Variants in ZMYM4 observed in about 807,000 individuals in gnomAD.
ZMYM4 encodes the protein zinc finger MYM-type protein 4.
Under a neutral mutation model 183.2 loss-of-function variants are expected in ZMYM4, and 31 were observed. The observed-to-expected ratio is 0.17, with a 90% CI of 0.13 to 0.23. The LOEUF (loss-of-function observed/expected upper bound fraction) is 0.23, where lower values mean the gene tolerates loss of function less well. Ranked by LOEUF, ZMYM4 falls within the 10% of genes least tolerant of loss-of-function variation. The probability of loss-of-function intolerance (pLI) is 1.00; values close to 1 mark genes in which losing one functional copy is unlikely to be tolerated. For missense variants in ZMYM4, 1,273 were observed against 1,840.3 expected, an observed-to-expected ratio of 0.69 and a Z score of 5.64; for synonymous variants, 592 against 631.2, an observed-to-expected ratio of 0.94 and a Z score of 0.93.
chr1:35,306,613 T>A (rs1055723468), intron 1 of ZMYM4, among the ~76,000 whole-genome samples: 1 of 152,210 alleles, frequency 6.6e-6, no homozygotes, highest in Non-Finnish European at 1.5e-5. Context: ...TGGCTCTACT[T>A]AAAATTTTTC....
At chr1:35,282,793 C>T (rs1369583037) in intron 1 of ZMYM4, among the ~76,000 whole-genome samples, 5 of 151,922 alleles carry the variant, frequency 3.3e-5, no homozygotes, top group East Asian at 1.9e-4. Context: ...TGAGCTCAAG[C>T]GATGCACCTG....
At chr1:35,295,891 T>C (rs1228140588) in intron 1 of ZMYM4, 4 of 152,190 alleles carry the variant, frequency 2.6e-5, no homozygotes, top group Non-Finnish European at 4.4e-5. Flanking sequence ...ATTTTTCTGT[T>C]ATATAGATTA....
intron 1 of ZMYM4, among the ~76,000 whole-genome samples, chr1:35,274,043 A>T (rs1175607047): frequency 6.6e-6 from 1 of 152,202 alleles, no homozygotes; most frequent in Non-Finnish European, 1.5e-5. Context: ...ATATTTTATA[A>T]TAAAATAATT....
chr1:35,337,234 C>T lies in ZMYM4; in HGVS notation c.85+11829C>T, dbSNP rs530517335. 4.6e-5 allele frequency among the ~76,000 whole-genome samples: 7 copies of T among 152,176 alleles called. No individual in the cohort carries two copies. In the South Asian group the frequency reaches 1.0e-3, roughly 23 times the overall value. The stretch of plus-strand genomic sequence containing the variant: ...GAAATTAGCTGGATGTGATGTTGCA[C>T]GCCTGTAGTCCCAGCTACTTGGGAA... On this transcript the variant is annotated intron_variant, in intron 2 of 29. Coordinates refer to ENST00000314607, the MANE Select transcript of ZMYM4 (RefSeq NM_005095.3).
At position 35,333,542 on chromosome 1, in the gene ZMYM4, G is replaced by A. The variant is rs115172539; in HGVS notation, c.85+8137G>A. Among the ~76,000 whole-genome samples the A allele has an allele frequency of 2.4e-3, 361 of 152,180 alleles. 1 individual carries two copies. The highest frequency in any genetic ancestry group is 8.5e-3 in the African/African-American group (354 of 41,528). ...CAAAGGTCTGGGATTACAAGTGTCA[G>A]CTACTGCGCCTGGCCCATATATGAT... On this transcript the variant is annotated intron_variant, in intron 2 of 29. Coordinates refer to ENST00000314607, the MANE Select transcript of ZMYM4 (RefSeq NM_005095.3).
At chr1:35,304,871 G>A (rs1271262590) in intron 1 of ZMYM4, among the ~76,000 whole-genome samples, 1 of 151,962 alleles carries the variant, frequency 6.6e-6, no homozygotes, top group South Asian at 2.1e-4. Flanking sequence ...TTTTTAGACA[G>A]AGTCTTGCTC....
In ZMYM4 at chr1:35,361,264, T is replaced by C. The variant is rs1313708410; in HGVS notation, c.669+9T>C. ...CAGAAACAAACTTTAGGGTAAGTTT[T>C]CAGTGTGTATGTAGATTGCTGTAAC... On this transcript the variant is annotated intron_variant, in intron 4 of 29. Coordinates refer to ENST00000314607, the MANE Select transcript of ZMYM4 (RefSeq NM_005095.3). The C allele has an allele frequency of 6.2e-7, 1 of 1,602,214 alleles. No homozygotes were observed. Among genetic ancestry groups the C allele is most frequent in the Admixed American group, 1.7e-5 (1 of 58,148 alleles).
At chr1:35,396,702 T>C (rs1466840173) in intron 19 of ZMYM4, 32 bp downstream of exon 19, 4 of 1,603,794 alleles carry the variant, frequency 2.5e-6, no homozygotes, top group Non-Finnish European at 3.4e-6. Context: ...AAAGCTAATA[T>C]AGCATGCATT....
chr1:35,330,208 G>C (rs1314708038), intron 2 of ZMYM4, among the ~76,000 whole-genome samples: 1 of 141,388 alleles, frequency 7.1e-6, no homozygotes, highest in Non-Finnish European at 1.6e-5. Flanking sequence ...GAAAGACCCT[G>C]TCTCAAAATA....
intron 1 of ZMYM4, among the ~76,000 whole-genome samples, chr1:35,274,244 A>T (rs962585919): frequency 2.0e-5 from 3 of 152,200 alleles, no homozygotes; most frequent in African/African-American, 7.2e-5. Context: ...AGGCCATTCA[A>T]ATACAGTGAT....
chr1:35,387,021 A>G lies in ZMYM4; in HGVS notation c.1855A>G (p.Thr619Ala), dbSNP rs1218132902. 1 of 1,613,434 alleles carries G rather than the reference A, an allele frequency of 6.2e-7. No individual in the cohort carries two copies. The highest frequency in any genetic ancestry group is 8.5e-7 in the Non-Finnish European group (1 of 1,179,450). Residue 619 changes from threonine to alanine, a missense_variant, in exon 12 of 30, where the codon ACT (threonine) becomes GCT (alanine). This residue lies in a region of ZMYM4 where 319 missense variants were observed against 518.1 expected (regional missense o/e 0.62). Transcript: ENST00000314607. The part of the protein sequence containing the change: ...VAFQNLFNKP[T>A]GMNSSVVPLS... ...TTTCCAGAATTTATTCAACAAACCAACTGGAATGAATTCTTCAGTAGTGCC... is the reference window on the plus strand; with the variant it reads ...TTTCCAGAATTTATTCAACAAACCAGCTGGAATGAATTCTTCAGTAGTGCC...
At chr1:35,329,600 C>T (rs967148087) in intron 2 of ZMYM4, among the ~76,000 whole-genome samples, 127 of 152,086 alleles carry the variant, frequency 8.4e-4, no homozygotes, top group Non-Finnish European at 2.5e-4. Flanking sequence ...AGAGCATTGC[C>T]GATTTGTTCA....
chr1:35,369,098 G>A (rs1163383564), intron 5 of ZMYM4, among the ~76,000 whole-genome samples: 2 of 151,834 alleles, frequency 1.3e-5, no homozygotes, highest in Non-Finnish European at 2.9e-5. Flanking sequence ...GTAATGTGCC[G>A]ACAACTCCCC....
chr1:35,319,365 T>C (rs192007946), intron 1 of ZMYM4, among the ~76,000 whole-genome samples: 1 of 152,152 alleles, frequency 6.6e-6, no homozygotes, highest in Non-Finnish European at 1.5e-5. Flanking sequence ...GGCTCATGCT[T>C]GCATTCCCAG....
intron 5 of ZMYM4, among the ~76,000 whole-genome samples, chr1:35,364,140 A>G (rs148006445): frequency 2.8e-3 from 423 of 152,362 alleles, no homozygotes; most frequent in African/African-American, 9.7e-3. Flanking sequence ...TGTGTTATCA[A>G]ATACTGAATA....
intron 26 of ZMYM4, among the ~76,000 whole-genome samples, chr1:35,411,952 A>G (rs1191557814): frequency 6.6e-6 from 1 of 151,962 alleles, no homozygotes; most frequent in Non-Finnish European, 1.5e-5. Context: ...GCACAATCTC[A>G]GCTCACTGCA....
At chr1:35,334,455 A>C (rs2148843168) in intron 2 of ZMYM4, among the ~76,000 whole-genome samples, 1 of 152,292 alleles carries the variant, frequency 6.6e-6, no homozygotes, top group Admixed American at 6.5e-5. Context: ...TCACAGCCTT[A>C]ACTTTAATTT....
intron 13 of ZMYM4, among the ~76,000 whole-genome samples, chr1:35,388,272 T>G (rs1291111841): frequency 6.6e-6 from 1 of 152,242 alleles, no homozygotes; most frequent in Non-Finnish European, 1.5e-5. Flanking sequence ...TGGAGCGATC[T>G]TGGCTCACTG....
intron 2 of ZMYM4, among the ~76,000 whole-genome samples, chr1:35,352,681 A>G (rs1254370735): frequency 6.6e-6 from 1 of 151,902 alleles, no homozygotes; most frequent in Non-Finnish European, 1.5e-5. Context: ...ACTCCCTCCT[A>G]TTTTCTTCGT....
Sources: allele counts gnomAD v4.1 joint callset (sites outside exome capture counted in the v4.1 genomes callset), GRCh38; gene constraint gnomAD v4.1.1; regional missense constraint gnomAD v4.1.1; transcripts MANE v1.5; gene names NCBI Gene and HGNC (gene_info 2026-07-23, HGNC 2026-07-21).